MEIS1: variants seen among roughly 807,000 people sequenced by gnomAD.
The protein encoded by MEIS1 is Meis homeobox 1, also known as homeobox protein Meis1.
In MEIS1, 5 loss-of-function variants were observed where a neutral mutation model predicts 50.8. That is an observed-to-expected ratio of 0.10 (90% CI 0.05 to 0.21). The LOEUF is 0.21. MEIS1 is among the 10% of genes least tolerant of loss of function. MEIS1 has a pLI of 1.00. For synonymous variants in MEIS1, 176 were observed against 179.3 expected (o/e 0.98, Z 0.15); for missense variants, 318 against 517.3 (o/e 0.61, Z 3.74).
At chr2:66,566,408 C>A (rs557606407) in intron 9 of MEIS1, among the ~76,000 whole-genome samples, 1 of 152,160 alleles carries the variant, frequency 6.6e-6, no homozygotes, top group African/African-American at 2.4e-5. Flanking sequence ...ATTAATAGAG[C>A]CTTATTAAAC....
intron 8 of MEIS1, among the ~76,000 whole-genome samples, chr2:66,522,708 G>T (rs1410929284): frequency 1.3e-5 from 2 of 152,202 alleles, no homozygotes; most frequent in Non-Finnish European, 2.9e-5. Context: ...CAGGGCTTCT[G>T]ACTGTTGCCA....
At chr2:66,457,812 G>A (rs10865353) in intron 6 of MEIS1, among the ~76,000 whole-genome samples, 73,723 of 152,114 alleles carry the variant, frequency 0.48, 18,322 homozygotes, top group African/African-American at 0.58. Context: ...GTGAGTGTGC[G>A]TGTGTATGCC....
intron 8 of MEIS1, among the ~76,000 whole-genome samples, chr2:66,520,591 T>C (rs549232085): frequency 6.6e-6 from 1 of 152,364 alleles, no homozygotes; most frequent in South Asian, 2.1e-4. Context: ...ATGTGACTTT[T>C]ATTATATTTT....
chr2:66,458,426 C>T (rs1186723724), intron 6 of MEIS1, among the ~76,000 whole-genome samples: 6 of 152,138 alleles, frequency 3.9e-5, no homozygotes, highest in African/African-American at 1.4e-4. Context: ...GAAGCCAGCT[C>T]AGGTTAACCA....
chr2:66,512,415 C>T (rs1673852626), intron 8 of MEIS1, 121 bp downstream of exon 8: 1 of 1,184,568 alleles, frequency 8.4e-7, no homozygotes, highest in Non-Finnish European at 1.1e-6. Context: ...AACTGTGTTC[C>T]CACAGTTTTT....
At chr2:66,437,564 A>G (rs1436062556) in intron 1 of MEIS1, 173 bp from the exon 2 acceptor site, 10 of 630,114 alleles carry the variant, frequency 1.6e-5, no homozygotes, top group Non-Finnish European at 2.8e-5. Flanking sequence ...TGTATTTTTT[A>G]CTTAAAGCTT....
intron 7 of MEIS1, among the ~76,000 whole-genome samples, chr2:66,510,599 T>C (rs1673804250): frequency 6.6e-6 from 1 of 152,198 alleles, no homozygotes; most frequent in African/African-American, 2.4e-5. Flanking sequence ...ATTTATAGCA[T>C]ATTCTGTAAT....
At chr2:66,488,164 T>G (rs957648173) in intron 7 of MEIS1, among the ~76,000 whole-genome samples, 7 of 152,238 alleles carry the variant, frequency 4.6e-5, no homozygotes, top group Non-Finnish European at 8.8e-5. Context: ...TGTATTTAAC[T>G]ATTTGTCTTC....
At chr2:66,461,604 G>C (rs1417786905) in intron 6 of MEIS1, among the ~76,000 whole-genome samples, 2 of 152,140 alleles carry the variant, frequency 1.3e-5, no homozygotes, top group Non-Finnish European at 2.9e-5. Context: ...ATGATATTAG[G>C]TGAAAAATAT....
intron 8 of MEIS1, among the ~76,000 whole-genome samples, chr2:66,521,292 G>T (rs528230358): frequency 1.7e-4 from 26 of 152,174 alleles, no homozygotes; most frequent in Non-Finnish European, 3.1e-4. Context: ...AGTGCTTTGG[G>T]GGGTGAAGAA....
intron 1 of MEIS1, chr2:66,436,933 C>G (rs571804910): frequency 1.0e-6 from 1 of 977,314 alleles, no homozygotes; most frequent in East Asian, 1.2e-4. Context: ...TTTGAATTTG[C>G]TTTAAACCTG....
At chr2:66,446,070 C>T (rs2103699163) in intron 6 of MEIS1, among the ~76,000 whole-genome samples, 1 of 152,230 alleles carries the variant, frequency 6.6e-6, no homozygotes, top group East Asian at 1.9e-4. Flanking sequence ...CAGGGGCTTC[C>T]CGGCCTCAGC....
intron 8 of MEIS1, among the ~76,000 whole-genome samples, chr2:66,529,933 A>C (rs1160899541): frequency 6.6e-6 from 1 of 152,220 alleles, no homozygotes. Context: ...TTGAAGATCA[A>C]AGTAGAAAGG....
intron 11 of MEIS1, 84 bp downstream of exon 11, chr2:66,568,840 C>A: frequency 7.7e-7 from 1 of 1,301,922 alleles, no homozygotes; most frequent in Non-Finnish European, 1.1e-6. Context: ...TCCGCCTCAT[C>A]CTTTTCTGTT....
intron 7 of MEIS1, among the ~76,000 whole-genome samples, chr2:66,476,572 C>T (rs116766094): frequency 6.6e-6 from 1 of 152,098 alleles, no homozygotes; most frequent in African/African-American, 2.4e-5. Context: ...GTTAAGTCTC[C>T]CTAGTGAGCA....
chr2:66,440,453 G>GC, intron 3 of MEIS1, 109 bp from the exon 4 acceptor site: 2 of 936,426 alleles, frequency 2.1e-6, no homozygotes, highest in Non-Finnish European at 3.4e-6. Context: ...GTTACTTCCT[G>GC]CCCCCGACAG....
intron 7 of MEIS1, among the ~76,000 whole-genome samples, chr2:66,465,040 C>G (rs999514404): frequency 6.6e-6 from 1 of 152,186 alleles, no homozygotes; most frequent in Non-Finnish European, 1.5e-5. Context: ...GAAGTTGACT[C>G]TGAGCCCACA....
chr2:66,522,754 G>C, intron 8 of MEIS1, among the ~76,000 whole-genome samples: 1 of 152,078 alleles, frequency 6.6e-6, no homozygotes, highest in East Asian at 1.9e-4. Flanking sequence ...GAAGAGGGAG[G>C]GGGAGAAAAA....
intron 8 of MEIS1, among the ~76,000 whole-genome samples, chr2:66,541,047 T>C (rs1319584386): frequency 1.3e-5 from 2 of 151,784 alleles, no homozygotes; most frequent in African/African-American, 2.4e-5. Flanking sequence ...TTTTATTTTT[T>C]ATTTTTTTTT....
Sources: allele counts gnomAD v4.1 joint callset (sites outside exome capture counted in the v4.1 genomes callset), GRCh38; gene constraint gnomAD v4.1.1; transcripts MANE v1.5; gene names NCBI Gene and HGNC (gene_info 2026-07-23, HGNC 2026-07-21).